NEK1: variants seen among roughly 807,000 people sequenced by gnomAD.
NEK1 encodes the protein serine/threonine-protein kinase Nek1.
Under a neutral mutation model 182.1 loss-of-function variants are expected in NEK1, and 137 were observed. The observed-to-expected ratio is 0.75, with a 90% confidence interval of 0.65 to 0.87. The LOEUF (loss-of-function observed/expected upper bound fraction) is 0.87, where lower values mean the gene tolerates loss of function less well. Among genes scored for constraint, NEK1 ranks in the 40% least tolerant of loss-of-function variants. The pLI, the probability that NEK1 is intolerant of heterozygous loss-of-function variation, is 0.00. For synonymous variants in NEK1, 513 were observed against 492.2 expected, an observed-to-expected ratio of 1.04 and a Z score of -0.56; for missense variants, 1,391 against 1,494.4, an observed-to-expected ratio of 0.93 and a Z score of 1.14.
chr4:169,509,755 T>C (rs1011480731), intron 19 of NEK1, among the ~76,000 whole-genome samples: 1 of 152,172 alleles, frequency 6.6e-6, no homozygotes, highest in Non-Finnish European at 1.5e-5. Context: ...ACATACTCAT[T>C]ATAGAAAATT....
intron 11 of NEK1, among the ~76,000 whole-genome samples, chr4:169,580,416 G>C (rs1190708035): frequency 2.8e-5 from 4 of 142,672 alleles, no homozygotes; most frequent in African/African-American, 7.9e-5. Flanking sequence ...AGAATCACTT[G>C]AACCTGGGAA....
chr4:169,533,896 T>C (rs1561362518), intron 19 of NEK1, among the ~76,000 whole-genome samples: 1 of 152,188 alleles, frequency 6.6e-6, no homozygotes, highest in Non-Finnish European at 1.5e-5. Flanking sequence ...AAGCATTCAG[T>C]GGAAACTTAA....
At chr4:169,594,462 A>G (rs534464572) in intron 5 of NEK1, among the ~76,000 whole-genome samples, 5 of 152,336 alleles carry the variant, frequency 3.3e-5, no homozygotes, top group Admixed American at 6.5e-5. Flanking sequence ...TAAGCTTACC[A>G]TTTACTGTCT....
chr4:169,472,755 C>T (rs548524993), intron 26 of NEK1, among the ~76,000 whole-genome samples: 10 of 152,300 alleles, frequency 6.6e-5, no homozygotes, highest in African/African-American at 2.4e-4. Flanking sequence ...TTTTTGTCCT[C>T]ACATTCATTT....
At chr4:169,569,639 G>A (rs1049365199) in intron 12 of NEK1, among the ~76,000 whole-genome samples, 70 of 152,196 alleles carry the variant, frequency 4.6e-4, no homozygotes, top group East Asian at 9.7e-4. Context: ...TTGCAGGCGC[G>A]CGCCACCACG....
At chr4:169,562,305 A>G (rs1763038066) in intron 12 of NEK1, 109 bp from the exon 13 acceptor site, 6 of 673,816 alleles carry the variant, frequency 8.9e-6, no homozygotes, top group African/African-American at 2.0e-5. Context: ...CAATACTTCC[A>G]TAACTCTCTT....
chr4:169,425,206 T>G (rs1225581441), intron 30 of NEK1, among the ~76,000 whole-genome samples: 1 of 150,400 alleles, frequency 6.6e-6, no homozygotes, highest in Non-Finnish European at 1.5e-5. Flanking sequence ...GGTGGAGGAT[T>G]GCTTGAGGCC....
intron 23 of NEK1, among the ~76,000 whole-genome samples, chr4:169,495,239 C>T (rs946418688): frequency 2.5e-4 from 26 of 105,418 alleles, no homozygotes; most frequent in South Asian, 8.3e-4. Flanking sequence ...ACATTTAAGT[C>T]TTTTTTTTTT....
At chr4:169,528,255 C>G (rs1757178209) in intron 19 of NEK1, among the ~76,000 whole-genome samples, 1 of 152,076 alleles carries the variant, frequency 6.6e-6, no homozygotes, top group Non-Finnish European at 1.5e-5. Context: ...TCTGCCCTTG[C>G]TAGCATACAC....
At position 169,580,972 on chromosome 4, in the gene NEK1, A is replaced by G. The variant is rs535981191; in HGVS notation, c.808-70T>C. 1.4e-3 allele frequency: 986 copies of G among 726,392 alleles called. 3 individuals carry two copies. Among genetic ancestry groups the G allele is most frequent in the Non-Finnish European group, 2.1e-3 (920 of 446,342 alleles). The allele number at this position is 726,392 out of a possible 1,614,324, so 45.0% of individuals were successfully genotyped here. ...AAAATAAAAAACCTACCCATTAATTATAATACATCTTCCCCTTTTTCAGTA... is the reference window on the plus strand; with the variant it reads ...AAAATAAAAAACCTACCCATTAATTGTAATACATCTTCCCCTTTTTCAGTA... On this transcript the variant is annotated intron_variant, in intron 10 of 35. Coordinates refer to ENST00000507142, the MANE Select transcript of NEK1 (RefSeq NM_001199397.3).
intron 27 of NEK1, among the ~76,000 whole-genome samples, chr4:169,459,109 C>T (rs548346110): frequency 1.3e-5 from 2 of 150,990 alleles, no homozygotes; most frequent in South Asian, 4.2e-4. Context: ...ATACTCAATC[C>T]GTATTTGCAA....
chr4:169,583,452 G>GT (rs1422175439), intron 10 of NEK1, among the ~76,000 whole-genome samples: 1 of 152,170 alleles, frequency 6.6e-6, no homozygotes, highest in African/African-American at 2.4e-5. Flanking sequence ...TGCTTAAATA[G>GT]TAACAAGTAG....
At chr4:169,462,825 C>T (rs1208515653) in intron 27 of NEK1, among the ~76,000 whole-genome samples, 1 of 152,128 alleles carries the variant, frequency 6.6e-6, no homozygotes, top group Non-Finnish European at 1.5e-5. Context: ...GGAATATTTC[C>T]TCCTGCCTCA....
At chr4:169,440,492 C>T (rs1739231230) in intron 27 of NEK1, among the ~76,000 whole-genome samples, 1 of 151,968 alleles carries the variant, frequency 6.6e-6, no homozygotes. Flanking sequence ...CATGGCTGAC[C>T]ACAGACACCT....
intron 35 of NEK1, among the ~76,000 whole-genome samples, chr4:169,397,151 G>A (rs1461010357): frequency 6.6e-6 from 1 of 152,016 alleles, no homozygotes; most frequent in East Asian, 1.9e-4. Context: ...TTGAGCCCAG[G>A]AGGCGGAGGT....
chr4:169,493,288 A>G (rs1750469688), intron 23 of NEK1, among the ~76,000 whole-genome samples: 1 of 152,198 alleles, frequency 6.6e-6, no homozygotes, highest in Non-Finnish European at 1.5e-5. Flanking sequence ...GGGAAAAAAA[A>G]TAAGTCCCAT....
chr4:169,586,445 G>A (rs1767550664), intron 9 of NEK1, among the ~76,000 whole-genome samples: 3 of 151,892 alleles, frequency 2.0e-5, no homozygotes, highest in African/African-American at 2.4e-5. Context: ...ATGCACTTTC[G>A]TTTATCTCTC....
At chr4:169,530,092 C>A (rs755450169) in intron 19 of NEK1, among the ~76,000 whole-genome samples, 13 of 152,132 alleles carry the variant, frequency 8.5e-5, no homozygotes, top group Non-Finnish European at 1.9e-4. Context: ...TTCATAATTA[C>A]CAAAAATTGG....
intron 5 of NEK1, among the ~76,000 whole-genome samples, chr4:169,592,699 A>T (rs113833116): frequency 9.4e-5 from 2 of 21,174 alleles, no homozygotes; most frequent in South Asian, 2.7e-3. Context: ...AATTTTCTTT[A>T]AAAAAAAAAA....
Sources: gnomAD v4.1 joint callset for allele counts (sites outside exome capture counted in the v4.1 genomes callset) on GRCh38, gnomAD v4.1.1 for gene constraint, MANE v1.5 for transcripts, NCBI Gene and HGNC (gene_info 2026-07-23, HGNC 2026-07-21) for gene names.